The following SSH2 variants were observed in gnomAD, a reference collection of about 807,000 sequenced individuals.
SSH2 encodes slingshot protein phosphatase 2.
In SSH2, 37 loss-of-function variants were observed where a neutral mutation model predicts 135.2. That is an observed-to-expected ratio of 0.27 (90% CI 0.21 to 0.36). SSH2 has a LOEUF of 0.36. Ranked by LOEUF, SSH2 falls within the 10% of genes least tolerant of loss-of-function variation. The pLI, the probability that SSH2 is intolerant of heterozygous loss-of-function variation, is 1.00. For synonymous variants in SSH2, 628 were observed against 646.2 expected, an observed-to-expected ratio of 0.97 and a Z score of 0.43; for missense variants, 1,408 against 1,765.3, an observed-to-expected ratio of 0.80 and a Z score of 3.63.
chr17:29,860,507 C>G (rs1313558892), intron 1 of SSH2, among the ~76,000 whole-genome samples: 1 of 133,872 alleles, frequency 7.5e-6, no homozygotes, highest in Non-Finnish European at 1.5e-5. Context: ...GTGGTGCAAT[C>G]TCAGCTCATT....
At chr17:29,850,882 G>A (rs1321529930) in intron 1 of SSH2, among the ~76,000 whole-genome samples, 1 of 152,184 alleles carries the variant, frequency 6.6e-6, no homozygotes, top group East Asian at 1.9e-4. Context: ...CTACTCGGGA[G>A]GTTGAGGCAG....
At position 29,684,739 on chromosome 17, in the gene SSH2, T is replaced by A. The variant is rs1053868761; in HGVS notation, c.358-55A>T. ...TGAAATTTAGGACATTAATTTCAGA[T>A]CATTTCAACCCTTTTTCATCAGCAT... On this transcript the variant is annotated intron_variant, in intron 5 of 15. Coordinates refer to ENST00000540801, the MANE Select transcript of SSH2 (RefSeq NM_001282129.2). The A allele has an allele frequency of 5.1e-6, 8 of 1,553,722 alleles. No individual in the cohort carries two copies. The East Asian group carries it at 1.4e-4, about 27-fold the overall frequency.
chr17:29,832,423 C>A (rs570461419), intron 2 of SSH2, among the ~76,000 whole-genome samples: 23 of 151,826 alleles, frequency 1.5e-4, no homozygotes, highest in African/African-American at 5.6e-4. Flanking sequence ...TGAGCCTGGC[C>A]CTGTTTTTCC....
intron 5 of SSH2, 55 bp downstream of exon 5, chr17:29,695,404 G>A (rs932828194): frequency 4.3e-6 from 6 of 1,380,778 alleles, no homozygotes; most frequent in Non-Finnish European, 6.1e-6. Flanking sequence ...GTTCAATTTT[G>A]GCTATCTTAG....
In SSH2 at chr17:29,929,949, G is replaced by A. The variant is rs1032862001; in HGVS notation, c.52C>T (p.Pro18Ser). Residue 18 changes from proline (P) to serine (S), a missense_variant, in exon 1 of 16, where the codon CCC becomes TCC. This residue lies in a region of SSH2 where 222 missense variants were observed against 355.6 expected (regional missense o/e 0.62). Transcript: ENST00000540801. ...CAGGAAGGACTCACCGAGGCGCAGGGGCTGGAGGTGGTGCTGGGGGTAGGT... is the reference window on the plus strand; with the variant it reads ...CAGGAAGGACTCACCGAGGCGCAGGAGCTGGAGGTGGTGCTGGGGGTAGGT... ...RSPTPSTTSS[P>S]CASSSHLEDS... 3 of 1,602,406 alleles carry A rather than the reference G, an allele frequency of 1.9e-6. No individual in the cohort carries two copies. Among genetic ancestry groups the A allele is most frequent in the Non-Finnish European group, 2.6e-6 (3 of 1,175,100 alleles).
At chr17:29,835,958 CAAAA>C (rs34869280) in intron 2 of SSH2, among the ~76,000 whole-genome samples, 2 of 77,576 alleles carry the variant, frequency 2.6e-5, no homozygotes, top group African/African-American at 4.5e-5. Flanking sequence ...GACTTCGTCT[CAAAA>C]AAAAAAAAAA....
At chr17:29,782,631 G>T (rs1263188552) in intron 3 of SSH2, among the ~76,000 whole-genome samples, 1 of 152,126 alleles carries the variant, frequency 6.6e-6, no homozygotes, top group Non-Finnish European at 1.5e-5. Context: ...TGTCGCCCAG[G>T]CTGGAGTGCA....
intron 1 of SSH2, among the ~76,000 whole-genome samples, chr17:29,876,748 C>A (rs1044074857): frequency 6.6e-6 from 1 of 152,038 alleles, no homozygotes; most frequent in Non-Finnish European, 1.5e-5. Context: ...AATCTAAGAC[C>A]TCAAACTATG....
intron 3 of SSH2, chr17:29,787,567 C>T (rs1410931524): frequency 1.3e-5 from 2 of 152,128 alleles, no homozygotes; most frequent in Non-Finnish European, 1.5e-5. Flanking sequence ...ATACTATTTT[C>T]CATTGCAGCT....
rs778819196 is a variant in SSH2, at chr17:29,631,582, C to G, written c.3612G>C (p.Lys1204Asn). Residue 1204 changes from lysine to asparagine, a missense_variant, in exon 16 of 16, where the codon AAG becomes AAC. By Grantham distance (94) the Lys-to-Asn change is moderately conservative. Around this residue, in one of 3 missense-constraint regions of SSH2, gnomAD observed 1,080 missense variants for 1,144.5 expected, o/e 0.94. Transcript: ENST00000540801. The part of the protein sequence containing the change: ...PLSSGSEVPY[K>N]DSQLSSADLS... ...GGTCTGCGCTACTTAGCTGGGAGTC[C>G]TTATATGGCACCTCACTGCCACTGG... 3.1e-6 allele frequency: 5 copies of G among 1,614,044 alleles called. No individual in the cohort carries two copies. The highest frequency in any genetic ancestry group is 2.5e-6 in the Non-Finnish European group (3 of 1,180,042).
At chr17:29,923,143 C>T (rs1202428385) in intron 1 of SSH2, among the ~76,000 whole-genome samples, 1 of 152,170 alleles carries the variant, frequency 6.6e-6, no homozygotes, top group Non-Finnish European at 1.5e-5. Flanking sequence ...AACTCCTGAC[C>T]TTGTGATCCG....
At chr17:29,760,782 C>CT (rs2041265851) in intron 3 of SSH2, among the ~76,000 whole-genome samples, 1 of 152,028 alleles carries the variant, frequency 6.6e-6, no homozygotes, top group Non-Finnish European at 1.5e-5. Context: ...CCCACAGGGA[C>CT]TCCCGCTTCC....
At chr17:29,702,109 T>C (rs899862907) in intron 4 of SSH2, among the ~76,000 whole-genome samples, 11 of 151,768 alleles carry the variant, frequency 7.2e-5, no homozygotes, top group Non-Finnish European at 1.6e-4. Context: ...TCCTAGCACT[T>C]TGGATAACTG....
intron 1 of SSH2, among the ~76,000 whole-genome samples, chr17:29,922,541 C>T (rs1409015797): frequency 6.6e-6 from 1 of 152,174 alleles, no homozygotes; most frequent in Non-Finnish European, 1.5e-5. Context: ...TTTTCAAAAA[C>T]TTTAATGTAA....
intron 1 of SSH2, among the ~76,000 whole-genome samples, chr17:29,875,976 A>G (rs966842361): frequency 7.3e-4 from 106 of 145,598 alleles, no homozygotes; most frequent in African/African-American, 2.4e-3. Flanking sequence ...AAAATTGAAG[A>G]GGACACCAAA....
chr17:29,644,262 G>A (rs908155580), intron 14 of SSH2, among the ~76,000 whole-genome samples: 1 of 152,186 alleles, frequency 6.6e-6, no homozygotes, highest in Admixed American at 6.5e-5. Flanking sequence ...GGAGACTGGA[G>A]GAAAGAGAGT....
chr17:29,860,438 C>CTTTTTTTT (rs376815701), intron 1 of SSH2, among the ~76,000 whole-genome samples: 1 of 114,274 alleles, frequency 8.8e-6, no homozygotes, highest in Admixed American at 1.1e-4. Flanking sequence ...CCTTTGCCCA[C>CTTTTTTTT]TTTTTTTTTT....
At chr17:29,748,318 T>G (rs2040825849) in intron 3 of SSH2, among the ~76,000 whole-genome samples, 1 of 152,196 alleles carries the variant, frequency 6.6e-6, no homozygotes, top group Non-Finnish European at 1.5e-5. Flanking sequence ...GATCATTAAC[T>G]GTTCTTTCAC....
At chr17:29,767,020 A>G (rs2041462287) in intron 3 of SSH2, among the ~76,000 whole-genome samples, 1 of 152,246 alleles carries the variant, frequency 6.6e-6, no homozygotes, top group African/African-American at 2.4e-5. Flanking sequence ...CTAATTTTTA[A>G]AAAAAGAATA....
Sources: allele counts gnomAD v4.1 joint callset (sites outside exome capture counted in the v4.1 genomes callset), GRCh38; gene constraint gnomAD v4.1.1; regional missense constraint gnomAD v4.1.1; transcripts MANE v1.5; gene names NCBI Gene and HGNC (gene_info 2026-07-23, HGNC 2026-07-21).